Variants in KCTD5 observed in about 807,000 individuals in gnomAD.
KCTD5 encodes the protein BTB/POZ domain-containing protein KCTD5.
KCTD5 carries 12 observed loss-of-function variants against 27.9 expected under a neutral mutation model. The ratio of observed to expected loss-of-function variants is 0.43; its 90% CI spans 0.28 to 0.70. The LOEUF is 0.70. Ranked by LOEUF, KCTD5 falls within the 30% of genes least tolerant of loss-of-function variation. The probability of loss-of-function intolerance (pLI) is 0.19; values close to 1 mark genes in which losing one functional copy is unlikely to be tolerated. For synonymous variants in KCTD5, 147 were observed against 121.4 expected (o/e 1.21, Z -1.39); for missense variants, 226 against 274.8 (o/e 0.82, Z 1.26).
At chr16:2,687,974 G>A (rs1030735114) in intron 1 of KCTD5, among the ~76,000 whole-genome samples, 1 of 152,120 alleles carries the variant, frequency 6.6e-6, no homozygotes, top group East Asian at 1.9e-4. Flanking sequence ...CTTCCTTGGA[G>A]TTGGGGAGCC....
chr16:2,707,256 C>T (rs2067640932), intron 5 of KCTD5, 42 bp from the exon 6 acceptor site: 1 of 1,605,330 alleles, frequency 6.2e-7, no homozygotes, highest in South Asian at 1.1e-5. Context: ...AGGGACACCT[C>T]CTCAGCCCAA....
intron 5 of KCTD5, among the ~76,000 whole-genome samples, chr16:2,703,064 G>C (rs989754157): frequency 3.3e-5 from 5 of 152,348 alleles, no homozygotes; most frequent in Admixed American, 6.5e-5. Context: ...CGCAGACTCT[G>C]CGGGGGCTCA....
intron 5 of KCTD5, 89 bp from the exon 6 acceptor site, chr16:2,707,209 G>T (rs574872997): frequency 1.5e-6 from 2 of 1,312,888 alleles, no homozygotes; most frequent in Non-Finnish European, 2.2e-6. Flanking sequence ...CTAACCCCAG[G>T]CCTGTGGGCT....
chr16:2,698,728 C>T (rs527448118), intron 3 of KCTD5, among the ~76,000 whole-genome samples: 7 of 152,342 alleles, frequency 4.6e-5, no homozygotes, highest in East Asian at 1.9e-4. Flanking sequence ...CTAGCCTGGC[C>T]GCTCAGGGCC....
chr16:2,699,871 C>A lies in KCTD5; in HGVS notation c.504C>A (p.Leu168=), dbSNP rs1258048112. 2 of 1,613,960 alleles carry A rather than the reference C, an allele frequency of 1.2e-6. No individual in the cohort carries two copies. Among genetic ancestry groups the A allele is most frequent in the East Asian group, 4.5e-5 (2 of 44,878 alleles). Residue 168 remains leucine, a synonymous_variant, in exon 4 of 6, where the codon CTC becomes CTA. Coordinates refer to ENST00000301738, the MANE Select transcript of KCTD5 (RefSeq NM_018992.4). ...YRVLQCQEEE[L]TQMVSTMSDG... ...TGCTGCAGTGCCAGGAGGAGGAGCT[C>A]ACGCAGATGGTGTCCACCATGTCCG...
intron 4 of KCTD5, among the ~76,000 whole-genome samples, chr16:2,701,146 C>T (rs1211665533): frequency 6.6e-6 from 1 of 152,230 alleles, no homozygotes; most frequent in Admixed American, 6.5e-5. Flanking sequence ...AACAATGTCT[C>T]CTGCCCGTGG....
chr16:2,706,763 G>T (rs2067638323), intron 5 of KCTD5, among the ~76,000 whole-genome samples: 1 of 151,954 alleles, frequency 6.6e-6, no homozygotes, highest in African/African-American at 2.4e-5. Context: ...CTTGGGGTAG[G>T]GCCCTCTGAG....
chr16:2,686,878 A>T (rs1193941033), intron 1 of KCTD5, among the ~76,000 whole-genome samples: 1 of 152,114 alleles, frequency 6.6e-6, no homozygotes, highest in Non-Finnish European at 1.5e-5. Context: ...GATCACGTCT[A>T]GTGGAGATGG....
At chr16:2,684,580 A>C (rs182500299) in intron 1 of KCTD5, 52 of 150,020 alleles carry the variant, frequency 3.5e-4, no homozygotes, top group African/African-American at 1.3e-3. Flanking sequence ...CCTGGCTAAC[A>C]TGATGAAACT....
intron 5 of KCTD5, among the ~76,000 whole-genome samples, chr16:2,706,497 G>A (rs1202823310): frequency 6.6e-6 from 1 of 152,180 alleles, no homozygotes; most frequent in Non-Finnish European, 1.5e-5. Flanking sequence ...CTGGTCTCTG[G>A]AGCTGCCATG....
intron 3 of KCTD5, chr16:2,699,334 T>C (rs1189056276): frequency 2.4e-6 from 1 of 414,564 alleles, no homozygotes; most frequent in Non-Finnish European, 4.9e-6. Context: ...AGGAGGTGGA[T>C]GGAGTTTTAG....
intron 1 of KCTD5, among the ~76,000 whole-genome samples, chr16:2,689,315 G>C (rs2142052703): frequency 4.5e-5 from 1 of 22,052 alleles, no homozygotes; most frequent in South Asian, 1.2e-3. Context: ...AAGGTTTTGT[G>C]TGCGAAATTG....
intron 3 of KCTD5, chr16:2,699,341 T>G (rs1308311507): frequency 5.0e-6 from 2 of 403,850 alleles, no homozygotes; most frequent in Non-Finnish European, 1.0e-5. Context: ...GGATGGAGTT[T>G]TAGGAAGCAG....
chr16:2,705,660 C>T (rs2067632396), intron 5 of KCTD5, among the ~76,000 whole-genome samples: 1 of 152,198 alleles, frequency 6.6e-6, no homozygotes, highest in Non-Finnish European at 1.5e-5. Context: ...GCCCCTCAGC[C>T]ACCCGGGCCT....
At chr16:2,703,407 C>T (rs1398231734) in intron 5 of KCTD5, among the ~76,000 whole-genome samples, 1 of 152,046 alleles carries the variant, frequency 6.6e-6, no homozygotes, top group Non-Finnish European at 1.5e-5. Context: ...GGCGAAGGCT[C>T]GGGGCATTGG....
intron 5 of KCTD5, among the ~76,000 whole-genome samples, chr16:2,706,978 G>A (rs112753749): frequency 0.016 from 2,456 of 152,072 alleles, 81 homozygotes; most frequent in African/African-American, 0.054. Context: ...TGAGGGACCC[G>A]CGGGCCGAGT....
At chr16:2,691,858 C>T (rs1438057118) in intron 1 of KCTD5, among the ~76,000 whole-genome samples, 1 of 152,240 alleles carries the variant, frequency 6.6e-6, no homozygotes, top group Non-Finnish European at 1.5e-5. Context: ...GTGCCTCAGC[C>T]TCCCCTGCCT....
At position 2,698,844 on chromosome 16, in the gene KCTD5, C is replaced by T. The variant is rs990808425; in HGVS notation, c.453+847C>T. On this transcript the variant is annotated intron_variant, in intron 3 of 5. Transcript: ENST00000301738. ...TGTCTGTGGGGCAGGAGCTGCGTCC[C>T]GCGCCCCGGGTCACCTTGTCCAGTC... Among the ~76,000 whole-genome samples the T allele has an allele frequency of 8.5e-5, 13 of 152,194 alleles. 1 individual carries two copies. In the South Asian group the frequency reaches 1.0e-3, roughly 12 times the overall value.
intron 1 of KCTD5, among the ~76,000 whole-genome samples, chr16:2,691,517 GC>G (rs2067566576): frequency 6.6e-6 from 1 of 152,232 alleles, no homozygotes; most frequent in Non-Finnish European, 1.5e-5. Context: ...GGCTGTGGGG[GC>G]AGCTGCAGGC....
Sources: allele counts gnomAD v4.1 joint callset (sites outside exome capture counted in the v4.1 genomes callset), GRCh38; gene constraint gnomAD v4.1.1; transcripts MANE v1.5; gene names NCBI Gene and HGNC (gene_info 2026-07-23, HGNC 2026-07-21).